The following CD274 variants were observed in gnomAD, a reference collection of about 807,000 sequenced individuals.
CD274 encodes the protein CD274 molecule, also known as programmed cell death 1 ligand 1.
In CD274, 8 loss-of-function variants were observed where a neutral mutation model predicts 30.1. That is an observed-to-expected ratio of 0.27 (90% CI 0.16 to 0.48). CD274 has a LOEUF of 0.48. Among genes scored for constraint, CD274 ranks in the 20% least tolerant of loss-of-function variants. The pLI is 0.99. For missense variants in CD274, 353 were observed against 346.6 expected (o/e 1.02, Z -0.15); for synonymous variants, 152 against 124.6 (o/e 1.22, Z -1.46).
chr9:5,465,566 C>T lies in CD274; in HGVS notation c.750C>T (p.Cys250=), dbSNP rs1178197251. Residue 250 remains cysteine (C), a synonymous_variant, in exon 5 of 7, where the codon TGC becomes TGT. Coordinates refer to ENST00000381577, the MANE Select transcript of CD274 (RefSeq NM_014143.4). ...TAATTCTGGGAGCCATCTTATTATG[C>T]CTTGGTGTAGCACTGACATTCATCT... The part of the protein sequence containing the change: ...HLVILGAILL[C]LGVALTFIFR... 6.2e-7 allele frequency: 1 copy of T among 1,609,582 alleles called. No homozygotes were observed. Among genetic ancestry groups the T allele is most frequent in the South Asian group, 1.1e-5 (1 of 90,970 alleles).
At chr9:5,456,617 T>C (rs1382223974) in intron 2 of CD274, among the ~76,000 whole-genome samples, 1 of 152,228 alleles carries the variant, frequency 6.6e-6, no homozygotes, top group African/African-American at 2.4e-5. Context: ...CCCTGTGCTC[T>C]TTCCTGAACT....
At chr9:5,453,737 C>T (rs1027065315) in intron 1 of CD274, among the ~76,000 whole-genome samples, 1 of 152,224 alleles carries the variant, frequency 6.6e-6, no homozygotes, top group Non-Finnish European at 1.5e-5. Flanking sequence ...GAAAGATATA[C>T]ACTGAAATGT....
At chr9:5,462,215 A>G (rs1054421243) in intron 3 of CD274, among the ~76,000 whole-genome samples, 6 of 152,220 alleles carry the variant, frequency 3.9e-5, no homozygotes, top group African/African-American at 1.4e-4. Context: ...CTAATTTCTG[A>G]TCATTGACTT....
Position 5,457,061 on chromosome 9 carries a change from G to C in CD274, c.53-18G>C, listed in dbSNP as rs866481258. On this transcript the variant is annotated intron_variant, in intron 2 of 6. Coordinates refer to ENST00000381577, the MANE Select transcript of CD274 (RefSeq NM_014143.4). ...AGGAATTTTCCCTTTTCTGAAGATT[G>C]TCCTTCTTTCTTTTTAGCATTTACT... 1.9e-6 allele frequency: 3 copies of C among 1,551,652 alleles called. No individual in the cohort carries two copies. Among genetic ancestry groups the C allele is most frequent in the Admixed American group, 1.8e-5 (1 of 56,690 alleles).
rs143672746 is a variant in CD274 at position 5,463,199 on chromosome 9, T to A, written c.682+78T>A. The A allele has an allele frequency of 8.2e-4, 890 of 1,080,214 alleles. 6 individuals carry two copies. The African/African-American group carries it at 0.011, about 14-fold the overall frequency. The allele number at this position is 1,080,214 out of a possible 1,614,324, so 66.9% of individuals were successfully genotyped here. On this transcript the variant is annotated intron_variant, in intron 4 of 6. Coordinates refer to ENST00000381577, the MANE Select transcript of CD274 (RefSeq NM_014143.4). ...CTAGCATGATGTCTGCCTATCATAG[T>A]CATTCAGTGATTGTTGAATAAATGA...
At position 5,470,374 on chromosome 9, in the gene CD274, G is replaced by C. The variant is rs1819569792; in HGVS notation, c.*2512G>C. On this transcript the variant is annotated 3_prime_UTR_variant, in exon 7 of 7. Coordinates refer to ENST00000381577, the MANE Select transcript of CD274 (RefSeq NM_014143.4). ...ATTTGTAAGGCACTTTATCCCTTTT[G>C]TCTCATGTTTCATCGTAAATGGCAT... The C allele has an allele frequency of 4.3e-6, 1 of 232,050 alleles. No individual in the cohort carries two copies. Among genetic ancestry groups the C allele is most frequent in the Admixed American group, 5.6e-5 (1 of 17,730 alleles). 14.4% of individuals were successfully genotyped at this position (232,050 alleles called of 1,614,324 possible).
At chr9:5,450,908 C>T (rs1345729156) in intron 1 of CD274, among the ~76,000 whole-genome samples, 1 of 152,172 alleles carries the variant, frequency 6.6e-6, no homozygotes, top group African/African-American at 2.4e-5. Context: ...CAGAATATAG[C>T]TCTGATGCTA....
chr9:5,451,694 G>A (rs1819206583), intron 1 of CD274, among the ~76,000 whole-genome samples: 1 of 152,196 alleles, frequency 6.6e-6, no homozygotes, highest in South Asian at 2.1e-4. Context: ...ATACTGTGGG[G>A]AATTGAAACC....
intron 4 of CD274, among the ~76,000 whole-genome samples, chr9:5,464,333 C>T (rs2131227270): frequency 6.6e-6 from 1 of 152,154 alleles, no homozygotes; most frequent in South Asian, 2.1e-4. Flanking sequence ...TTTTAAATAC[C>T]TGGCATGCCT....
intron 6 of CD274, 107 bp downstream of exon 6, chr9:5,466,936 T>G (rs1819506859): frequency 1.3e-6 from 1 of 793,964 alleles, no homozygotes; most frequent in East Asian, 2.7e-5. Flanking sequence ...TTTTAAAGAA[T>G]GCTGGTTCCC....
rs1438265423 is a variant in CD274, at chr9:5,457,328, T to C, written c.302T>C (p.Ile101Thr). 6.2e-7 allele frequency: 1 copy of C among 1,614,136 alleles called. No individual in the cohort carries two copies. The change falls in exon 3 of 7, where the codon ATC becomes ACC. Residue 101 changes from isoleucine to threonine, a missense_variant. By Grantham distance (89) the Ile-to-Thr change is moderately conservative. Coordinates refer to ENST00000381577, the MANE Select transcript of CD274 (RefSeq NM_014143.4). ...QLSLGNAALQ[I>T]TDVKLQDAGV... ...TCCCTGGGAAATGCTGCACTTCAGA[T>C]CACAGATGTGAAATTGCAGGATGCA...
rs41280725 is a variant in CD274, at chr9:5,469,654, C to T, written c.*1792C>T. 2,288 of 232,030 alleles carry T rather than the reference C, an allele frequency of 9.9e-3. 25 individuals are homozygous for T. The highest frequency in any genetic ancestry group is 0.012 in the Non-Finnish European group (1,426 of 117,352). 14.4% of individuals were successfully genotyped at this position (232,030 alleles called of 1,614,324 possible). A position where few individuals can be genotyped will look rare whatever the true frequency, so the allele number is the denominator to read the frequency against. ...CTAAGTTATCTTTCCCATAGCTTTT[C>T]ATTATCTTTCATATGATCCAGTATA... On this transcript the variant is annotated 3_prime_UTR_variant, in exon 7 of 7. Transcript: ENST00000381577.
Position 5,467,867 on chromosome 9 carries a change from G to T in CD274, c.*5G>T, listed in dbSNP as rs1013874454. 1.2e-6 allele frequency: 2 copies of T among 1,608,492 alleles called. No homozygotes were observed. The highest frequency in any genetic ancestry group is 1.7e-6 in the Non-Finnish European group (2 of 1,174,936). ...ACACATTTGGAGGAGACGTAATCCA[G>T]CATTGGAACTTCTGATCTTCAAGCA... On this transcript the variant is annotated 3_prime_UTR_variant, in exon 7 of 7. Coordinates refer to ENST00000381577, the MANE Select transcript of CD274 (RefSeq NM_014143.4).
At chr9:5,460,366 G>A (rs901729442) in intron 3 of CD274, among the ~76,000 whole-genome samples, 3 of 152,110 alleles carry the variant, frequency 2.0e-5, no homozygotes, top group Non-Finnish European at 4.4e-5. Flanking sequence ...GTTAGGCCCT[G>A]TACTGAACAC....
intron 2 of CD274, 127 bp downstream of exon 2, chr9:5,456,292 C>G: frequency 3.2e-6 from 2 of 616,200 alleles, no homozygotes; most frequent in Non-Finnish European, 2.8e-6. Context: ...CTTTCTTCTA[C>G]TTTACACAAT....
intron 4 of CD274, among the ~76,000 whole-genome samples, chr9:5,463,786 G>A (rs1819450277): frequency 6.6e-6 from 1 of 152,108 alleles, no homozygotes; most frequent in South Asian, 2.1e-4. Flanking sequence ...CAAGCTTATT[G>A]TAAGGGTCAG....
intron 2 of CD274, 90 bp downstream of exon 2, chr9:5,456,255 A>G (rs909833527): frequency 1.2e-5 from 10 of 803,998 alleles, no homozygotes; most frequent in East Asian, 7.8e-5. Context: ...AATGCATGCA[A>G]TTTTCTTATA....
At chr9:5,466,896 G>A (rs756703546) in intron 6 of CD274, 67 bp downstream of exon 6, 1 of 1,209,478 alleles carries the variant, frequency 8.3e-7, no homozygotes, top group African/African-American at 1.5e-5. Context: ...CAATAACAAA[G>A]AGAAATCCAT....
chr9:5,467,377 C>T (rs185189274), intron 6 of CD274, among the ~76,000 whole-genome samples: 99 of 152,320 alleles, frequency 6.5e-4, no homozygotes, highest in African/African-American at 2.4e-3. Flanking sequence ...CCATCTGCTT[C>T]AATCCATTTT....
Sources: gnomAD v4.1 joint callset for allele counts (sites outside exome capture counted in the v4.1 genomes callset) on GRCh38, gnomAD v4.1.1 for gene constraint, MANE v1.5 for transcripts, NCBI Gene and HGNC (gene_info 2026-07-23, HGNC 2026-07-21) for gene names.